TLL1: variants seen among roughly 807,000 people sequenced by gnomAD.
TLL1 encodes tolloid-like protein 1.
In TLL1, 49 loss-of-function variants were observed where a neutral mutation model predicts 128.2. The ratio of observed to expected loss-of-function variants is 0.38; its 90% CI spans 0.30 to 0.48. The LOEUF is 0.48. Among genes scored for constraint, TLL1 ranks in the 20% least tolerant of loss-of-function variants. TLL1 has a pLI of 0.96. For synonymous variants in TLL1, 454 were observed against 418.8 expected (o/e 1.08, Z -1.03); for missense variants, 1,123 against 1,242.0 (o/e 0.90, Z 1.44).
chr4:166,057,385 T>A (rs1740072310), intron 14 of TLL1, 76 bp downstream of exon 14: 24 of 1,548,012 alleles, frequency 1.6e-5, no homozygotes, highest in Non-Finnish European at 2.0e-5. Context: ...CTGTCTGTCT[T>A]CCTCTTTCTT....
At chr4:165,965,873 G>A (rs971536220) in intron 1 of TLL1, among the ~76,000 whole-genome samples, 3 of 152,094 alleles carry the variant, frequency 2.0e-5, no homozygotes, top group African/African-American at 7.2e-5. Flanking sequence ...AGGACATTGA[G>A]TTGAACTTAG....
rs1736773642 is a variant in TLL1 at position 165,994,458 on chromosome 4, A to G, written c.439A>G (p.Arg147Gly). The stretch of plus-strand genomic sequence containing the variant: ...GCAAAATGAGAAAAATCGAGTTCCC[A>G]GAGCCGCTACATCAAGAACGGAAAG... ...SGQNEKNRVPRAATSRTERIW... is the reference protein window; with the variant it reads ...SGQNEKNRVPGAATSRTERIW... Residue 147 changes from arginine (R) to glycine (G), a missense_variant, in exon 4 of 21, where the codon AGA becomes GGA. Physicochemically the swap from Arg to Gly is moderately radical, Grantham distance 125. Coordinates refer to ENST00000061240, the MANE Select transcript of TLL1 (RefSeq NM_012464.5). 1 of 1,613,954 alleles carries G rather than the reference A, an allele frequency of 6.2e-7. No individual in the cohort carries two copies. Among genetic ancestry groups the G allele is most frequent in the Admixed American group, 1.7e-5 (1 of 59,982 alleles).
At chr4:165,904,195 C>A (rs531232713) in intron 1 of TLL1, among the ~76,000 whole-genome samples, 1 of 152,212 alleles carries the variant, frequency 6.6e-6, no homozygotes, top group African/African-American at 2.4e-5. Flanking sequence ...AATGGAAGAA[C>A]TTGCCTATGA....
chr4:166,079,023 G>A (rs779702871), intron 18 of TLL1, among the ~76,000 whole-genome samples: 3 of 152,128 alleles, frequency 2.0e-5, no homozygotes, highest in Non-Finnish European at 2.9e-5. Flanking sequence ...TTCTTAGTAT[G>A]GAGGTCCTTC....
At chr4:166,082,739 G>T (rs180679831) in intron 18 of TLL1, among the ~76,000 whole-genome samples, 60 of 152,078 alleles carry the variant, frequency 3.9e-4, no homozygotes, top group East Asian at 2.5e-3. Flanking sequence ...GAGCAATGGC[G>T]CAATCTCAGC....
chr4:165,984,726 T>C (rs1736323899), intron 1 of TLL1, among the ~76,000 whole-genome samples: 1 of 151,962 alleles, frequency 6.6e-6, no homozygotes, highest in South Asian at 2.1e-4. Context: ...AATCATGTAT[T>C]TCCTGGGCAT....
At chr4:165,927,200 A>G (rs1352580321) in intron 1 of TLL1, among the ~76,000 whole-genome samples, 1 of 152,226 alleles carries the variant, frequency 6.6e-6, no homozygotes, top group Non-Finnish European at 1.5e-5. Context: ...TTTGGAAGAT[A>G]TATACTAAAA....
chr4:166,091,628 T>C (rs1195218985), intron 19 of TLL1, among the ~76,000 whole-genome samples: 2 of 152,156 alleles, frequency 1.3e-5, no homozygotes, highest in Non-Finnish European at 2.9e-5. Context: ...TAAATATTTA[T>C]ACAATGTATT....
chr4:165,908,099 A>G (rs62327221), intron 1 of TLL1, among the ~76,000 whole-genome samples: 11,184 of 152,262 alleles, frequency 0.073, 530 homozygotes, highest in East Asian at 0.24. Context: ...TGTTTTTCAA[A>G]GCAATTTCAA....
At chr4:165,971,406 C>T (rs148373369) in intron 1 of TLL1, among the ~76,000 whole-genome samples, 45 of 152,334 alleles carry the variant, frequency 3.0e-4, no homozygotes, top group African/African-American at 1.0e-3. Context: ...CGTATTACTC[C>T]ATTCCCATTG....
In TLL1 at chr4:166,103,441, A is replaced by T. The variant is rs953695409; in HGVS notation, c.*2565A>T. 6.6e-6 allele frequency: 1 copy of T among 151,762 alleles called. No individual in the cohort carries two copies. Among genetic ancestry groups the T allele is most frequent in the Non-Finnish European group, 1.5e-5 (1 of 67,834 alleles). 9.4% of individuals were successfully genotyped at this position (151,762 alleles called of 1,614,324 possible). A position where few individuals can be genotyped will look rare whatever the true frequency, so the allele number is the denominator to read the frequency against. On this transcript the variant is annotated 3_prime_UTR_variant, in exon 21 of 21. Coordinates refer to ENST00000061240, the MANE Select transcript of TLL1 (RefSeq NM_012464.5). ...TAAATATATTAAATTATTTTGCCTG[A>T]TGTGGTAGGGGAAATGTATTGCTCT...
intron 9 of TLL1, among the ~76,000 whole-genome samples, chr4:166,038,974 C>T (rs1446511671): frequency 6.6e-6 from 1 of 152,070 alleles, no homozygotes; most frequent in African/African-American, 2.4e-5. Context: ...TAGAATTCTT[C>T]ATGGCTCAAG....
intron 1 of TLL1, among the ~76,000 whole-genome samples, chr4:165,962,807 G>C (rs1235526712): frequency 2.0e-5 from 3 of 151,972 alleles, no homozygotes; most frequent in Non-Finnish European, 4.4e-5. Context: ...ACAAACACAG[G>C]AACAGAAAAC....
At chr4:165,971,799 G>C (rs1193608385) in intron 1 of TLL1, among the ~76,000 whole-genome samples, 1 of 152,148 alleles carries the variant, frequency 6.6e-6, no homozygotes, top group Non-Finnish European at 1.5e-5. Context: ...AGCTCTGCCA[G>C]AGGTGAAATA....
intron 19 of TLL1, among the ~76,000 whole-genome samples, chr4:166,092,834 G>A (rs1360553769): frequency 6.6e-6 from 1 of 151,984 alleles, no homozygotes; most frequent in Non-Finnish European, 1.5e-5. Flanking sequence ...GGTACATCTG[G>A]GTTCCTGCTA....
intron 9 of TLL1, among the ~76,000 whole-genome samples, chr4:166,028,614 C>T (rs1738616123): frequency 6.6e-6 from 1 of 151,978 alleles, no homozygotes; most frequent in Non-Finnish European, 1.5e-5. Context: ...AATTGCTCTT[C>T]ATAGCCTTGT....
At chr4:165,939,037 T>C (rs1733884419) in intron 1 of TLL1, among the ~76,000 whole-genome samples, 1 of 151,970 alleles carries the variant, frequency 6.6e-6, no homozygotes, top group Non-Finnish European at 1.5e-5. Context: ...AATATGTTTC[T>C]CAGCTATCTG....
chr4:165,880,130 AAGC>A lies in TLL1; in HGVS notation c.169+6060_169+6062del, dbSNP rs1338570746. ...GACATAGATCGTGTTCTTTTCCAGA[AAGC>A]AGGAGGAGAGAATCCCTTGCTTATT... On this transcript the variant is annotated intron_variant, in intron 1 of 20. Transcript: ENST00000061240. Among the ~76,000 whole-genome samples the A allele has an allele frequency of 7.9e-5, 12 of 152,316 alleles. 1 individual carries two copies. The highest frequency in any genetic ancestry group is 7.8e-4 in the Admixed American group (12 of 15,306).
intron 20 of TLL1, among the ~76,000 whole-genome samples, chr4:166,100,071 C>G (rs1742221428): frequency 6.6e-6 from 1 of 152,018 alleles, no homozygotes; most frequent in African/African-American, 2.4e-5. Flanking sequence ...GAAGACGTCA[C>G]CATGAGAAAT....
Sources: allele counts gnomAD v4.1 joint callset (sites outside exome capture counted in the v4.1 genomes callset), GRCh38; gene constraint gnomAD v4.1.1; transcripts MANE v1.5; gene names NCBI Gene and HGNC (gene_info 2026-07-23, HGNC 2026-07-21).